SOBP: variants seen among roughly 807,000 people sequenced by gnomAD.
SOBP encodes the protein sine oculis binding protein homolog.
In SOBP, 4 loss-of-function variants were observed where a neutral mutation model predicts 53.6. That is an observed-to-expected ratio of 0.07 (90% CI 0.04 to 0.17). The LOEUF (loss-of-function observed/expected upper bound fraction) is 0.17. Ranked by LOEUF, SOBP falls within the 10% of genes least tolerant of loss-of-function variation. The pLI is 1.00. For missense variants in SOBP, 1,088 were observed against 1,204.7 expected (o/e 0.90, Z 1.43); for synonymous variants, 584 against 522.6 (o/e 1.12, Z -1.60).
chr6:107,657,550 C>G (rs1024148982), intron 6 of SOBP, among the ~76,000 whole-genome samples: 1 of 152,062 alleles, frequency 6.6e-6, no homozygotes, highest in African/African-American at 2.4e-5. Context: ...TTCCACTTGC[C>G]AAAAAGTGAA....
chr6:107,609,203 G>A (rs1786502296), intron 5 of SOBP, among the ~76,000 whole-genome samples: 1 of 152,242 alleles, frequency 6.6e-6, no homozygotes, highest in South Asian at 2.1e-4. Context: ...TATTGTTGTA[G>A]TATCTTTATA....
intron 6 of SOBP, among the ~76,000 whole-genome samples, chr6:107,657,862 G>A (rs1772133284): frequency 6.6e-6 from 1 of 151,550 alleles, no homozygotes; most frequent in South Asian, 2.1e-4. Flanking sequence ...AAAGCCTCCT[G>A]CTGGTTAAGC....
chr6:107,506,510 A>G (rs1211611348), intron 3 of SOBP, 83 bp downstream of exon 3: 10 of 1,517,174 alleles, frequency 6.6e-6, no homozygotes, highest in Non-Finnish European at 9.1e-6. Context: ...TAAATGCTCA[A>G]GTTAACTTTG....
chr6:107,612,177 T>G lies in SOBP; in HGVS notation c.670-21337T>G, dbSNP rs369692608. Reference sequence around the variant, plus strand: ...CATTCTGACTTGCACCTGTTCCCACTCTGCTTGAGTAGGCGTTAATTATTG... The same window carrying G: ...CATTCTGACTTGCACCTGTTCCCACGCTGCTTGAGTAGGCGTTAATTATTG... On this transcript the variant is annotated intron_variant, in intron 5 of 6. Transcript: ENST00000317357. Among the ~76,000 whole-genome samples, 6 of 152,172 alleles carry G rather than the reference T, an allele frequency of 3.9e-5. No homozygotes were observed. The East Asian group carries it at 7.7e-4, about 20-fold the overall frequency.
At chr6:107,547,363 T>C (rs564045662) in intron 4 of SOBP, among the ~76,000 whole-genome samples, 6 of 152,316 alleles carry the variant, frequency 3.9e-5, no homozygotes, top group Non-Finnish European at 7.3e-5. Flanking sequence ...TTTGACTGCA[T>C]TAAAGACAAT....
chr6:107,617,792 G>A (rs1331994781), intron 5 of SOBP, among the ~76,000 whole-genome samples: 1 of 147,010 alleles, frequency 6.8e-6, no homozygotes, highest in East Asian at 2.0e-4. Flanking sequence ...CAACACAGAT[G>A]TGGGCAGCTT....
chr6:107,564,152 G>A (rs1018894493), intron 4 of SOBP, among the ~76,000 whole-genome samples: 1 of 152,136 alleles, frequency 6.6e-6, no homozygotes, highest in African/African-American at 2.4e-5. Context: ...CCCTATAAAG[G>A]AAGACGTATC....
At chr6:107,564,237 C>G (rs573996162) in intron 4 of SOBP, among the ~76,000 whole-genome samples, 136 of 152,202 alleles carry the variant, frequency 8.9e-4, no homozygotes, top group Admixed American at 3.1e-3. Flanking sequence ...TTTCTTAAAG[C>G]TTTTAATACT....
intron 5 of SOBP, among the ~76,000 whole-genome samples, chr6:107,606,650 C>T (rs891656536): frequency 6.6e-6 from 1 of 152,160 alleles, no homozygotes; most frequent in Non-Finnish European, 1.5e-5. Context: ...ATTGTTTAAT[C>T]CCCGGAAGGA....
intron 3 of SOBP, among the ~76,000 whole-genome samples, chr6:107,510,327 A>G (rs1414351750): frequency 6.6e-6 from 1 of 152,234 alleles, no homozygotes; most frequent in African/African-American, 2.4e-5. Context: ...GAAGGTGACT[A>G]GAGTTTCAAA....
Position 107,640,691 on chromosome 6 carries a change from C to T in SOBP, c.*3+5222C>T, listed in dbSNP as rs549572666. On this transcript the variant is annotated intron_variant, in intron 6 of 6. Transcript: ENST00000317357. The stretch of plus-strand genomic sequence containing the variant: ...GACTTGGAGGGAAGGTTTTAATGTA[C>T]AAGCATCCAACTTTTATATATGATG... 2.6e-5 allele frequency among the ~76,000 whole-genome samples: 4 copies of T among 152,294 alleles called. No individual in the cohort carries two copies. In the South Asian group the frequency reaches 8.3e-4, roughly 32 times the overall value.
chr6:107,512,312 T>G (rs899256487), intron 3 of SOBP, among the ~76,000 whole-genome samples: 2 of 152,166 alleles, frequency 1.3e-5, no homozygotes, highest in South Asian at 2.1e-4. Flanking sequence ...TTAGCATGGG[T>G]TCAACCCTTT....
In SOBP at chr6:107,656,305, A is replaced by AAGAC. The variant is rs1562130930; in HGVS notation, c.*4-1899_*4-1898insCAGA. Among the ~76,000 whole-genome samples, 40 of 42,718 alleles carry AAGAC rather than the reference A, an allele frequency of 9.4e-4. No individual in the cohort carries two copies. In the East Asian group the frequency reaches 0.032, roughly 35 times the overall value. The allele number at this position is 42,718 out of a possible 152,430, so 28.0% of individuals were successfully genotyped here. On this transcript the variant is annotated intron_variant, in intron 6 of 6. Coordinates refer to ENST00000317357, the MANE Select transcript of SOBP (RefSeq NM_018013.4). The stretch of plus-strand genomic sequence containing the variant: ...AAGAAAGAAAAGAAAGAAAGAAAGA[A>AAGAC]AGAAAGAAAGAAAGAAAGAAAGAAA...
At chr6:107,495,547 T>TGACA (rs754837195) in intron 1 of SOBP, among the ~76,000 whole-genome samples, 8 of 152,178 alleles carry the variant, frequency 5.3e-5, no homozygotes, top group Non-Finnish European at 1.0e-4. Context: ...AAAATGAGTC[T>TGACA]GACAGACTCA....
chr6:107,630,546 A>G (rs752963762), intron 5 of SOBP, among the ~76,000 whole-genome samples: 1 of 152,226 alleles, frequency 6.6e-6, no homozygotes, highest in Non-Finnish European at 1.5e-5. Flanking sequence ...CTCACATGAT[A>G]TAGCCATTTG....
intron 6 of SOBP, among the ~76,000 whole-genome samples, chr6:107,654,046 A>G (rs1024475635): frequency 1.3e-5 from 2 of 152,236 alleles, no homozygotes; most frequent in African/African-American, 4.8e-5. Context: ...ATAAAACAGA[A>G]AAGTGACTCA....
At chr6:107,504,210 T>C (rs565114987) in intron 2 of SOBP, among the ~76,000 whole-genome samples, 2 of 152,348 alleles carry the variant, frequency 1.3e-5, no homozygotes, top group African/African-American at 4.8e-5. Flanking sequence ...ACTGTTAGTT[T>C]GGTAATCCTC....
intron 4 of SOBP, among the ~76,000 whole-genome samples, chr6:107,536,378 G>A (rs983551108): frequency 6.6e-6 from 1 of 152,212 alleles, no homozygotes; most frequent in African/African-American, 2.4e-5. Flanking sequence ...AGCTGTGCTT[G>A]TGGTCTCTGT....
intron 4 of SOBP, among the ~76,000 whole-genome samples, chr6:107,585,869 A>G (rs1467294261): frequency 6.6e-6 from 1 of 152,168 alleles, no homozygotes; most frequent in Non-Finnish European, 1.5e-5. Flanking sequence ...TCTGAGTGAC[A>G]CTCATCAGGG....
Sources: gnomAD v4.1 joint callset for allele counts (sites outside exome capture counted in the v4.1 genomes callset) on GRCh38, gnomAD v4.1.1 for gene constraint, MANE v1.5 for transcripts, NCBI Gene and HGNC (gene_info 2026-07-23, HGNC 2026-07-21) for gene names.